The following PNPT1 variants were observed in gnomAD, a reference collection of about 807,000 sequenced individuals.
PNPT1 encodes the protein polyribonucleotide nucleotidyltransferase 1, also known as polyribonucleotide nucleotidyltransferase 1, mitochondrial.
Under a neutral mutation model 119.5 loss-of-function variants are expected in PNPT1, and 53 were observed. The observed-to-expected ratio is 0.44, with a 90% CI of 0.36 to 0.56. The LOEUF is 0.56. PNPT1 is among the 20% of genes least tolerant of loss of function. PNPT1 has a pLI of 0.00. For missense variants in PNPT1, 948 were observed against 938.5 expected (o/e 1.01, Z -0.13); for synonymous variants, 357 against 322.1 (o/e 1.11, Z -1.16).
At chr2:55,656,254 G>A (rs550584619) in intron 16 of PNPT1, 34 bp from the exon 17 acceptor site, 1 of 1,611,380 alleles carries the variant, frequency 6.2e-7, no homozygotes, top group East Asian at 2.2e-5. Flanking sequence ...AGTAAAAAAT[G>A]TATTAAGTCT....
At position 55,644,677 on chromosome 2, in the gene PNPT1, T is replaced by A; in HGVS notation, c.1866A>T (p.Gly622=). ...VPLSKRAKFV[G]PGGYNLKKLQ... is the part of the protein sequence containing the mutation. ...GTTTTTTTAAGTTATAGCCACCAGGTCCAACAAATTTTGCTCGTTTTGATA... is the reference window on the plus strand; with the variant it reads ...GTTTTTTTAAGTTATAGCCACCAGGACCAACAAATTTTGCTCGTTTTGATA... Residue 622 remains glycine, a synonymous_variant, in exon 23 of 28, where the codon GGA becomes GGT. Coordinates refer to ENST00000447944, the MANE Select transcript of PNPT1 (RefSeq NM_033109.5). 6.2e-7 allele frequency: 1 copy of A among 1,612,888 alleles called. No homozygotes were observed. The highest frequency in any genetic ancestry group is 8.5e-7 in the Non-Finnish European group (1 of 1,179,158).
At chr2:55,655,281 C>G (rs1696350728) in intron 17 of PNPT1, among the ~76,000 whole-genome samples, 1 of 152,128 alleles carries the variant, frequency 6.6e-6, no homozygotes, top group South Asian at 2.1e-4. Flanking sequence ...GAGTCTCAGC[C>G]TGCCACCACG....
At chr2:55,641,852 T>C (rs1465276987) in intron 25 of PNPT1, among the ~76,000 whole-genome samples, 2 of 152,050 alleles carry the variant, frequency 1.3e-5, no homozygotes, top group Admixed American at 6.5e-5. Context: ...TTGGCTTTTT[T>C]TTTTTTTGAG....
rs1305981751 is a variant in PNPT1 at position 55,693,730 on chromosome 2, G to C, written c.94C>G (p.Gln32Glu). 2 of 1,614,200 alleles carry C rather than the reference G, an allele frequency of 1.2e-6. No individual in the cohort carries two copies. The highest frequency in any genetic ancestry group is 1.3e-5 in the African/African-American group (1 of 75,064). The stretch of plus-strand genomic sequence containing the variant: ...CTCCATAGTGCTCGCACTTGCAACT[G>C]GGTGAGTGCCCGATCCCGCCGTGGC... Reference protein sequence around the residue: ...LLPRRDRALTQLQVRALWSSA... With the variant: ...LLPRRDRALTELQVRALWSSA... Residue 32 changes from glutamine (Q) to glutamate (E), a missense_variant, in exon 1 of 28, where the codon CAG becomes GAG. Physicochemically the swap from Gln to Glu is conservative, Grantham distance 29 (BLOSUM62 2). Coordinates refer to ENST00000447944, the MANE Select transcript of PNPT1 (RefSeq NM_033109.5).
chr2:55,683,750 G>C (rs1697316274), intron 5 of PNPT1, 35 bp downstream of exon 5: 1 of 1,563,264 alleles, frequency 6.4e-7, no homozygotes, highest in South Asian at 1.1e-5. Context: ...ATTTTTGATT[G>C]ATCTGGCAAC....
chr2:55,653,582 C>A (rs1264609429), intron 18 of PNPT1, among the ~76,000 whole-genome samples: 2 of 152,212 alleles, frequency 1.3e-5, no homozygotes, highest in Admixed American at 1.3e-4. Context: ...TAGATCAGTG[C>A]TTGGCACATA....
At chr2:55,692,054 T>C (rs1697636197) in intron 1 of PNPT1, among the ~76,000 whole-genome samples, 1 of 151,484 alleles carries the variant, frequency 6.6e-6, no homozygotes, top group Non-Finnish European at 1.5e-5. Context: ...CCCAGCTAAT[T>C]TTGTATTTTT....
chr2:55,640,646 G>C lies in PNPT1; in HGVS notation c.2129C>G (p.Thr710Arg), dbSNP rs367694300. The C allele has an allele frequency of 6.3e-7, 1 of 1,591,374 alleles. No homozygotes were observed. The highest frequency in any genetic ancestry group is 2.2e-5 in the East Asian group (1 of 44,720). ...TTTTACCTTTCGTTGATCAAGTTGTGTGTTATGAAGCAGTACCGCAGTCAT... is the reference window on the plus strand; with the variant it reads ...TTTTACCTTTCGTTGATCAAGTTGTCTGTTATGAAGCAGTACCGCAGTCAT... The part of the protein sequence containing the change: ...PNMTAVLLHN[T>R]QLDQRKIKHP... The change falls in exon 26 of 28, where the codon ACA becomes AGA. Residue 710 changes from threonine to arginine, a missense_variant. By Grantham distance (71) the Thr-to-Arg change is moderately conservative. Transcript: ENST00000447944.
intron 5 of PNPT1, among the ~76,000 whole-genome samples, chr2:55,682,099 C>T (rs936989541): frequency 2.0e-5 from 3 of 151,666 alleles, no homozygotes; most frequent in South Asian, 2.1e-4. Context: ...GCCGAGATCG[C>T]GCCACTGTAC....
intron 15 of PNPT1, among the ~76,000 whole-genome samples, chr2:55,657,383 T>C (rs920810069): frequency 6.6e-6 from 1 of 152,030 alleles, no homozygotes; most frequent in African/African-American, 2.4e-5. Flanking sequence ...CAAGAATTTT[T>C]TTTTTGTTTT....
chr2:55,668,038 T>C, intron 11 of PNPT1, 80 bp from the exon 12 acceptor site: 1 of 1,224,508 alleles, frequency 8.2e-7, no homozygotes, highest in Non-Finnish European at 1.1e-6. Context: ...TAGCATAATA[T>C]CAACTAACTA....
rs1221982455 is a variant in PNPT1, at chr2:55,693,819, G to A, written c.5C>T (p.Ala2Val). M[A>V]ACRYCCSCLR... is the part of the protein sequence containing the mutation. ...GCACGAGCAGCAGTACCTGCAGGCCGCCATGACACCCGGCACGCGGTCAAC... is the reference window on the plus strand; with the variant it reads ...GCACGAGCAGCAGTACCTGCAGGCCACCATGACACCCGGCACGCGGTCAAC... Residue 2 changes from alanine (A) to valine (V), a missense_variant, in exon 1 of 28, where the codon GCG (alanine) becomes GTG (valine). Ala to Val is a moderately conservative substitution (Grantham distance 64). Transcript: ENST00000447944. The A allele has an allele frequency of 6.2e-7, 1 of 1,613,406 alleles. No individual in the cohort carries two copies. Among genetic ancestry groups the A allele is most frequent in the Non-Finnish European group, 8.5e-7 (1 of 1,179,992 alleles).
rs547448803 is a variant in PNPT1 at position 55,634,793 on chromosome 2, T to G, written c.*1444A>C. 5.3e-5 allele frequency: 8 copies of G among 152,304 alleles called. No homozygotes were observed. Among genetic ancestry groups the G allele is most frequent in the African/African-American group, 1.7e-4 (7 of 41,558 alleles). 9.4% of individuals were successfully genotyped at this position (152,304 alleles called of 1,614,324 possible). On this transcript the variant is annotated 3_prime_UTR_variant, in exon 28 of 28. Transcript: ENST00000447944. ...CTGGTCTCGAACTCCTGACCTCAGG[T>G]GATCTACCCGCCTTGACCTCCCAAA...
chr2:55,686,619 C>G (rs1697413082), intron 2 of PNPT1, among the ~76,000 whole-genome samples, 175 bp from the exon 3 acceptor site: 2 of 152,148 alleles, frequency 1.3e-5, no homozygotes, highest in South Asian at 4.1e-4. Flanking sequence ...CTGAGCTTTT[C>G]AAAAGCTATG....
chr2:55,687,586 T>C, intron 2 of PNPT1, 59 bp downstream of exon 2: 2 of 1,263,994 alleles, frequency 1.6e-6, no homozygotes, highest in Non-Finnish European at 2.2e-6. Context: ...TAGTTACACA[T>C]TTAGTATGAG....
intron 8 of PNPT1, among the ~76,000 whole-genome samples, chr2:55,676,282 A>AG (rs921653863): frequency 7.3e-5 from 11 of 151,230 alleles, no homozygotes; most frequent in African/African-American, 2.7e-4. Context: ...AAAAAAAAAA[A>AG]AAGAAGATTG....
intron 26 of PNPT1, among the ~76,000 whole-genome samples, chr2:55,639,451 C>G (rs1247015106): frequency 3.3e-5 from 5 of 152,120 alleles, no homozygotes; most frequent in Admixed American, 2.6e-4. Flanking sequence ...ATGAAAATGT[C>G]CATCTTTTCT....
At chr2:55,691,380 T>C (rs1697594908) in intron 1 of PNPT1, among the ~76,000 whole-genome samples, 1 of 152,224 alleles carries the variant, frequency 6.6e-6, no homozygotes, top group Non-Finnish European at 1.5e-5. Context: ...AGAATATATA[T>C]GATAACAAAT....
intron 12 of PNPT1, 58 bp downstream of exon 12, chr2:55,667,804 C>G: frequency 6.5e-7 from 1 of 1,526,854 alleles, no homozygotes; most frequent in Non-Finnish European, 8.8e-7. Flanking sequence ...TTTCCATTTT[C>G]AAGGCAACTT....
Sources: gnomAD v4.1 joint callset for allele counts (sites outside exome capture counted in the v4.1 genomes callset) on GRCh38, gnomAD v4.1.1 for gene constraint, MANE v1.5 for transcripts, NCBI Gene and HGNC (gene_info 2026-07-23, HGNC 2026-07-21) for gene names.